WIPF1: variants seen among roughly 807,000 people sequenced by gnomAD.
WIPF1 encodes WAS/WASL interacting protein family member 1.
In WIPF1, 13 loss-of-function variants were observed where a neutral mutation model predicts 35.4. The observed-to-expected ratio is 0.37, with a 90% CI of 0.24 to 0.58. The LOEUF (loss-of-function observed/expected upper bound fraction) is 0.58. WIPF1 is among the 20% of genes least tolerant of loss of function. WIPF1 has a pLI of 0.74. For missense variants in WIPF1, 591 were observed against 667.0 expected, an observed-to-expected ratio of 0.89 and a Z score of 1.25; for synonymous variants, 267 against 266.3, an observed-to-expected ratio of 1.00 and a Z score of -0.02.
At chr2:174,671,834 T>C (rs955038647) in intron 1 of WIPF1, among the ~76,000 whole-genome samples, 1 of 152,202 alleles carries the variant, frequency 6.6e-6, no homozygotes, top group Non-Finnish European at 1.5e-5. Flanking sequence ...TCTCCTGATG[T>C]TATCAATGAC....
intron 1 of WIPF1, among the ~76,000 whole-genome samples, chr2:174,624,160 AC>A (rs1445166145): frequency 2.0e-5 from 3 of 152,242 alleles, no homozygotes; most frequent in Non-Finnish European, 4.4e-5. Flanking sequence ...CTAATAATGA[AC>A]CTTTCATCTC....
In WIPF1 at chr2:174,571,613, G is replaced by T. The variant is rs778863213; in HGVS notation, c.1129+63C>A. On this transcript the variant is annotated intron_variant, in intron 5 of 7. Transcript: ENST00000679041. The surrounding 1 kb of genome is among the most constrained non-coding windows in gnomAD (Gnocchi z 4.6). ...TTTTGTTAGACTATCTTGACTGACA[G>T]GATTATTGGTACATTTGGGCAGGCT... The T allele has an allele frequency of 6.2e-7, 1 of 1,605,504 alleles. No individual in the cohort carries two copies.
chr2:174,610,288 G>A (rs1686303508), intron 1 of WIPF1, among the ~76,000 whole-genome samples: 1 of 152,092 alleles, frequency 6.6e-6, no homozygotes, highest in South Asian at 2.1e-4. Context: ...ATTTTGTGTG[G>A]GTTTTATTTT....
intron 1 of WIPF1, among the ~76,000 whole-genome samples, chr2:174,595,492 G>T (rs923519736): frequency 2.6e-5 from 4 of 152,020 alleles, no homozygotes; most frequent in African/African-American, 9.7e-5. Flanking sequence ...ACTTAGTAGG[G>T]TTATTCAAGA....
At chr2:174,636,984 G>A (rs937229589) in intron 1 of WIPF1, among the ~76,000 whole-genome samples, 1 of 152,152 alleles carries the variant, frequency 6.6e-6, no homozygotes, top group Non-Finnish European at 1.5e-5. Flanking sequence ...ATACTCTTTC[G>A]AAGAAAGTCC....
At position 174,571,595 on chromosome 2, in the gene WIPF1, A is replaced by C. The variant is rs1330206334; in HGVS notation, c.1129+81T>G. 6.3e-7 allele frequency: 1 copy of C among 1,589,470 alleles called. No homozygotes were observed. On this transcript the variant is annotated intron_variant, in intron 5 of 7. Coordinates refer to ENST00000679041, the MANE Select transcript of WIPF1 (RefSeq NM_001375834.1). This position sits in a 1 kb window ranked among gnomAD's most constrained non-coding sequence, Gnocchi z 4.6. ...GAGTTTACTTATGCCTGCTTTTGTT[A>C]GACTATCTTGACTGACAGGATTATT... is the stretch of plus-strand genomic sequence containing the variant.
At chr2:174,581,567 C>A in intron 2 of WIPF1, 128 bp from the exon 3 acceptor site, 1 of 1,258,132 alleles carries the variant, frequency 7.9e-7, no homozygotes, top group South Asian at 1.6e-5. Flanking sequence ...TGTAAATTCT[C>A]GACAAGTTTT....
At chr2:174,566,908 A>G (rs187371466) in intron 7 of WIPF1, 162 bp downstream of exon 7, 1 of 600,664 alleles carries the variant, frequency 1.7e-6, no homozygotes, top group South Asian at 2.4e-5. Context: ...GGGCATCTGC[A>G]ATTTCCTCAC....
intron 1 of WIPF1, among the ~76,000 whole-genome samples, chr2:174,680,977 G>T (rs905544608): frequency 6.6e-6 from 1 of 152,156 alleles, no homozygotes; most frequent in Non-Finnish European, 1.5e-5. Context: ...ACCAGAAAGT[G>T]GTTGAACACA....
chr2:174,593,753 G>A (rs1685706284), intron 1 of WIPF1, among the ~76,000 whole-genome samples: 1 of 152,130 alleles, frequency 6.6e-6, no homozygotes, highest in Non-Finnish European at 1.5e-5. Context: ...TTTATGACGC[G>A]AGTCACTGCA....
At chr2:174,595,290 C>CAA (rs377491345) in intron 1 of WIPF1, among the ~76,000 whole-genome samples, 540 of 45,182 alleles carry the variant, frequency 0.012, 14 homozygotes, top group African/African-American at 0.039. Flanking sequence ...AACCCTGTCT[C>CAA]AAAAAAAAAA....
intron 1 of WIPF1, among the ~76,000 whole-genome samples, chr2:174,631,794 A>T (rs1363257322): frequency 6.6e-6 from 1 of 152,206 alleles, no homozygotes; most frequent in African/African-American, 2.4e-5. Context: ...TAAAAGTTGC[A>T]CTTATCAGAG....
At chr2:174,676,505 C>T (rs1028977300) in intron 1 of WIPF1, 2 of 151,898 alleles carry the variant, frequency 1.3e-5, no homozygotes, top group African/African-American at 4.8e-5. Flanking sequence ...GGGGTTTTGC[C>T]ATGCTGCTCA....
chr2:174,568,143 T>C (rs2105797840), intron 5 of WIPF1, 70 bp from the exon 6 acceptor site: 2 of 1,502,174 alleles, frequency 1.3e-6, no homozygotes, highest in East Asian at 4.8e-5. Flanking sequence ...ACCATTGGTG[T>C]ACAGCTGATG....
At chr2:174,631,205 T>G (rs1441910267) in intron 1 of WIPF1, among the ~76,000 whole-genome samples, 1 of 152,032 alleles carries the variant, frequency 6.6e-6, no homozygotes, top group Non-Finnish European at 1.5e-5. Context: ...AGCGAAAAAG[T>G]AGAAGCAGCC....
intron 1 of WIPF1, among the ~76,000 whole-genome samples, chr2:174,664,587 T>G (rs1264247365): frequency 6.6e-6 from 1 of 152,226 alleles, no homozygotes; most frequent in Non-Finnish European, 1.5e-5. Flanking sequence ...CCCTCTCTTG[T>G]GTTCCGTGGT....
chr2:174,615,000 C>T lies in WIPF1; in HGVS notation c.-38-29389G>A, dbSNP rs117659606. ...ACAGCATAAGTAACATGGAGAAGTT[C>T]AAGCAATGGAGAACAATAGCGACAT... On this transcript the variant is annotated intron_variant, in intron 1 of 8. Coordinates refer to the WIPF1 transcript ENST00000272746. 9.1e-4 allele frequency among the ~76,000 whole-genome samples: 138 copies of T among 152,316 alleles called. 3 individuals are homozygous for T. The East Asian group carries it at 0.025, about 28-fold the overall frequency.
rs1373591275 is a variant in WIPF1 at position 174,561,033 on chromosome 2, C to G, written c.*1514G>C. 6.6e-6 allele frequency: 1 copy of G among 152,500 alleles called. No individual in the cohort carries two copies. Among genetic ancestry groups the G allele is most frequent in the Non-Finnish European group, 1.5e-5 (1 of 68,022 alleles). The allele number at this position is 152,500 out of a possible 1,614,324, so 9.4% of individuals were successfully genotyped here. ...TTTTAAACAAAACCATGTAAAATAT[C>G]TAAGTGGAAATATTTTTTCCCAACT... is the stretch of plus-strand genomic sequence containing the variant. On this transcript the variant is annotated 3_prime_UTR_variant, in exon 8 of 8. Coordinates refer to ENST00000679041, the MANE Select transcript of WIPF1 (RefSeq NM_001375834.1).
chr2:174,660,228 G>A (rs1398636286), intron 1 of WIPF1, among the ~76,000 whole-genome samples: 2 of 152,132 alleles, frequency 1.3e-5, no homozygotes, highest in East Asian at 1.9e-4. Context: ...ATTCTTCTTC[G>A]CTATAAAGAA....
Sources: allele counts gnomAD v4.1 joint callset (sites outside exome capture counted in the v4.1 genomes callset), GRCh38; gene constraint gnomAD v4.1.1; non-coding constraint Gnocchi (gnomAD v3.1); transcripts MANE v1.5; gene names NCBI Gene and HGNC (gene_info 2026-07-23, HGNC 2026-07-21).